Variants in IQGAP2 observed in about 807,000 individuals in gnomAD.
IQGAP2 encodes the protein ras GTPase-activating-like protein IQGAP2.
IQGAP2 carries 173 observed loss-of-function variants against 201.3 expected under a neutral mutation model. The observed-to-expected ratio is 0.86, with a 90% confidence interval of 0.76 to 0.98. The LOEUF (loss-of-function observed/expected upper bound fraction) is 0.98. Ranked by LOEUF, IQGAP2 falls within the 50% of genes least tolerant of loss-of-function variation. The pLI, the probability that IQGAP2 is intolerant of heterozygous loss-of-function variation, is 0.00. For missense variants in IQGAP2, 1,687 were observed against 1,864.8 expected, an observed-to-expected ratio of 0.90 and a Z score of 1.76; for synonymous variants, 675 against 673.9, an observed-to-expected ratio of 1.00 and a Z score of -0.03.
Position 76,677,306 on chromosome 5 carries a change from C to T in IQGAP2, c.3616C>T (p.Pro1206Ser), listed in dbSNP as rs1472916985. The change falls in exon 28 of 36, where the codon CCA becomes TCA. Residue 1206 changes from proline to serine, a missense_variant. Pro to Ser is a moderately conservative substitution (Grantham distance 74). Transcript: ENST00000274364. ...CACAGACCTGGTGACAGTCAGCAAA[C>T]CAGTCATTTATATTTCAATTGAAGA... ...KYTDLVTVSKPVIYISIEEII... is the reference protein window; with the variant it reads ...KYTDLVTVSKSVIYISIEEII... 3.7e-6 allele frequency: 6 copies of T among 1,613,794 alleles called. No homozygotes were observed. Among genetic ancestry groups the T allele is most frequent in the Non-Finnish European group, 3.4e-6 (4 of 1,179,838 alleles).
intron 1 of IQGAP2, among the ~76,000 whole-genome samples, chr5:76,453,991 G>T (rs1659666157): frequency 6.6e-6 from 1 of 152,160 alleles, no homozygotes; most frequent in Non-Finnish European, 1.5e-5. Context: ...ACTGAGATCT[G>T]TATGGGGATG....
chr5:76,481,997 C>A (rs980898104), intron 2 of IQGAP2, among the ~76,000 whole-genome samples: 1 of 152,168 alleles, frequency 6.6e-6, no homozygotes, highest in Non-Finnish European at 1.5e-5. Context: ...GAGAATTTAC[C>A]AATGAGGTGC....
chr5:76,650,787 CT>C (rs1185507944), intron 17 of IQGAP2, among the ~76,000 whole-genome samples: 2 of 152,220 alleles, frequency 1.3e-5, no homozygotes, highest in African/African-American at 4.8e-5. Flanking sequence ...TTACTTTACT[CT>C]TAACTGATGT....
chr5:76,430,662 G>A (rs570451772), intron 1 of IQGAP2, among the ~76,000 whole-genome samples: 71 of 152,266 alleles, frequency 4.7e-4, no homozygotes, highest in Non-Finnish European at 9.1e-4. Context: ...CTCACTGGAA[G>A]GACTAAAAAA....
chr5:76,437,966 G>A (rs564916360), intron 1 of IQGAP2, among the ~76,000 whole-genome samples: 1 of 144,520 alleles, frequency 6.9e-6, no homozygotes, highest in African/African-American at 2.5e-5. Context: ...GTATTTTGTT[G>A]AAGATTTTTG....
At chr5:76,433,062 T>G (rs1390223908) in intron 1 of IQGAP2, among the ~76,000 whole-genome samples, 1 of 152,296 alleles carries the variant, frequency 6.6e-6, no homozygotes. Flanking sequence ...TTCACAAAGA[T>G]GTGAACAAGG....
intron 2 of IQGAP2, among the ~76,000 whole-genome samples, chr5:76,546,602 C>T (rs1467693606): frequency 6.6e-6 from 1 of 152,148 alleles, no homozygotes; most frequent in African/African-American, 2.4e-5. Flanking sequence ...CTGTATTGTA[C>T]ATCTTTCTGT....
intron 2 of IQGAP2, among the ~76,000 whole-genome samples, chr5:76,540,944 A>C (rs192773370): frequency 1.3e-5 from 2 of 152,362 alleles, no homozygotes; most frequent in East Asian, 3.9e-4. Context: ...AGAAAAAGCC[A>C]TCATGTAAGA....
intron 13 of IQGAP2, among the ~76,000 whole-genome samples, chr5:76,622,484 G>A (rs1470555883): frequency 6.6e-6 from 1 of 152,132 alleles, no homozygotes; most frequent in Non-Finnish European, 1.5e-5. Context: ...GTTGACTGGA[G>A]TGTGTGACCT....
chr5:76,520,170 A>G (rs957413427), intron 2 of IQGAP2, among the ~76,000 whole-genome samples: 1 of 151,620 alleles, frequency 6.6e-6, no homozygotes, highest in South Asian at 2.1e-4. Context: ...TATGTTTTAC[A>G]TGTAGGTCTG....
intron 5 of IQGAP2, among the ~76,000 whole-genome samples, chr5:76,576,044 G>A (rs543263059): frequency 1.3e-5 from 2 of 152,228 alleles, no homozygotes; most frequent in South Asian, 4.1e-4. Context: ...GAAAATTTAG[G>A]TTGAAACTTC....
chr5:76,420,533 G>A (rs1024244933), intron 1 of IQGAP2, among the ~76,000 whole-genome samples: 9 of 151,878 alleles, frequency 5.9e-5, no homozygotes, highest in East Asian at 3.9e-4. Context: ...CTGCCACCAC[G>A]CCCGGCTAAT....
At chr5:76,705,878 A>G (rs569886369) in intron 35 of IQGAP2, among the ~76,000 whole-genome samples, 1 of 152,246 alleles carries the variant, frequency 6.6e-6, no homozygotes, top group Non-Finnish European at 1.5e-5. Flanking sequence ...GGCTTCCTGT[A>G]CCTATGTTAC....
intron 11 of IQGAP2, among the ~76,000 whole-genome samples, chr5:76,604,663 A>T (rs1747673489): frequency 6.6e-6 from 1 of 152,146 alleles, no homozygotes; most frequent in Non-Finnish European, 1.5e-5. Flanking sequence ...GCCCATAAGG[A>T]CTTTGCGCTT....
chr5:76,685,214 G>A (rs1274412528), intron 30 of IQGAP2, among the ~76,000 whole-genome samples: 1 of 152,020 alleles, frequency 6.6e-6, no homozygotes, highest in Non-Finnish European at 1.5e-5. Context: ...TTCAGGGCAG[G>A]GCAGGAGAGA....
chr5:76,666,725 C>T (rs901120629), intron 22 of IQGAP2, among the ~76,000 whole-genome samples: 20 of 152,142 alleles, frequency 1.3e-4, no homozygotes, highest in Admixed American at 1.2e-3. Flanking sequence ...TTCCTTCGAC[C>T]CGTTGGTTAC....
At chr5:76,592,084 G>A (rs1314791175) in intron 8 of IQGAP2, among the ~76,000 whole-genome samples, 1 of 152,036 alleles carries the variant, frequency 6.6e-6, no homozygotes, top group Non-Finnish European at 1.5e-5. Context: ...CACCTTCCTT[G>A]TGGGTCTCTC....
At chr5:76,464,447 C>T (rs1392103106) in intron 2 of IQGAP2, among the ~76,000 whole-genome samples, 3 of 152,130 alleles carry the variant, frequency 2.0e-5, no homozygotes, top group Non-Finnish European at 4.4e-5. Flanking sequence ...TGAGTTTCTA[C>T]TAAATTGTAT....
intron 32 of IQGAP2, among the ~76,000 whole-genome samples, chr5:76,696,820 T>C (rs1050838747): frequency 2.0e-5 from 3 of 152,214 alleles, no homozygotes; most frequent in Non-Finnish European, 4.4e-5. Flanking sequence ...CATGATATTC[T>C]ATTTAATGAA....
Sources: allele counts gnomAD v4.1 joint callset (sites outside exome capture counted in the v4.1 genomes callset), GRCh38; gene constraint gnomAD v4.1.1; transcripts MANE v1.5; gene names NCBI Gene and HGNC (gene_info 2026-07-23, HGNC 2026-07-21).